Variants in COL23A1 observed in about 807,000 individuals in gnomAD.
COL23A1 encodes the protein collagen alpha-1(XXIII) chain.
Under a neutral mutation model 99.3 loss-of-function variants are expected in COL23A1, and 97 were observed. The ratio of observed to expected loss-of-function variants is 0.98; its 90% CI spans 0.83 to 1.16. The LOEUF (loss-of-function observed/expected upper bound fraction) is 1.16. COL23A1 is among the 50% of genes most tolerant of loss of function. The probability of loss-of-function intolerance (pLI) is 0.00; values close to 1 mark genes in which losing one functional copy is unlikely to be tolerated. For synonymous variants in COL23A1, 320 were observed against 308.2 expected (o/e 1.04, Z -0.40); for missense variants, 762 against 757.4 (o/e 1.01, Z -0.07).
chr5:178,353,285 G>A (rs1383572025), intron 2 of COL23A1, among the ~76,000 whole-genome samples: 1 of 152,046 alleles, frequency 6.6e-6, no homozygotes, highest in Non-Finnish European at 1.5e-5. Flanking sequence ...TTTCTTTTAT[G>A]TCTGATTTGA....
At position 178,384,122 on chromosome 5, in the gene COL23A1, T is replaced by C. The variant is rs1763535017; in HGVS notation, c.362-77203A>G. Among the ~76,000 whole-genome samples, 1 of 150,934 alleles carries C rather than the reference T, an allele frequency of 6.6e-6. No individual in the cohort carries two copies. Among genetic ancestry groups the C allele is most frequent in the South Asian group, 2.1e-4 (1 of 4,712 alleles). The stretch of plus-strand genomic sequence containing the variant: ...AAGACCCCTCTTCTCTAGAAAGGGG[T>C]GATGGTAAAATAAGGCTGGCCATCG... On this transcript the variant is annotated intron_variant, in intron 2 of 28. Transcript: ENST00000390654. This position sits in a 1 kb window ranked among gnomAD's most constrained non-coding sequence, Gnocchi z 5.5.
chr5:178,249,716 A>ACACACTCACTCTCTCTCTCTCTCT, intron 18 of COL23A1, among the ~76,000 whole-genome samples: 3 of 92,810 alleles, frequency 3.2e-5, no homozygotes, highest in East Asian at 4.2e-4. Flanking sequence ...ACACACACAC[A>ACACACTCACTCTCTCTCTCTCTCT]CTCTCTCTCT....
chr5:178,507,150 T>C (rs560698615), intron 2 of COL23A1, among the ~76,000 whole-genome samples: 28 of 152,354 alleles, frequency 1.8e-4, no homozygotes, highest in Middle Eastern at 3.4e-3. Flanking sequence ...TTTTCTTATA[T>C]AAAAGGCAGC....
rs2113783185 is a variant in COL23A1 at position 178,590,319 on chromosome 5, C to G, written c.-122G>C. On this transcript the variant is annotated 5_prime_UTR_variant, in exon 1 of 29. Transcript: ENST00000390654. This position sits in a 1 kb window ranked among gnomAD's most constrained non-coding sequence, Gnocchi z 5.7. ...TCCGCCGGGCGCGGGGGTTAGCCTC[C>G]GGGTAGCAGCGGATCGCCGCGCACG... The G allele has an allele frequency of 3.4e-6, 3 of 881,132 alleles. No homozygotes were observed. The South Asian group carries it at 1.7e-4, about 50-fold the overall frequency. 54.6% of individuals were successfully genotyped at this position (881,132 alleles called of 1,614,324 possible).
chr5:178,464,492 C>T (rs140307438), intron 2 of COL23A1, among the ~76,000 whole-genome samples: 3 of 152,288 alleles, frequency 2.0e-5, no homozygotes, highest in East Asian at 3.9e-4. Flanking sequence ...TGTGCACGTA[C>T]CCCACTTAGA....
In COL23A1 at chr5:178,366,485, C is replaced by T. The variant is rs532465749; in HGVS notation, c.362-59566G>A. Among the ~76,000 whole-genome samples the T allele has an allele frequency of 3.3e-5, 5 of 152,196 alleles. No homozygotes were observed. Among genetic ancestry groups the T allele is most frequent in the Non-Finnish European group, 7.3e-5 (5 of 68,036 alleles). On this transcript the variant is annotated intron_variant, in intron 2 of 28. Transcript: ENST00000390654. The surrounding 1 kb of genome is among the most constrained non-coding windows in gnomAD (Gnocchi z 4.4). ...ATCATCTCTTGTGCATCTTTGCTCACGGCGTCTTCTGCACCTGCACTCCCA... is the reference window on the plus strand; with the variant it reads ...ATCATCTCTTGTGCATCTTTGCTCATGGCGTCTTCTGCACCTGCACTCCCA...
intron 2 of COL23A1, among the ~76,000 whole-genome samples, chr5:178,455,646 C>T (rs936053612): frequency 4.6e-5 from 7 of 152,182 alleles, no homozygotes; most frequent in African/African-American, 7.2e-5. Flanking sequence ...CTGGCATCTC[C>T]GCCATCGCTT....
chr5:178,502,786 G>T (rs938753624), intron 2 of COL23A1, among the ~76,000 whole-genome samples: 1 of 152,172 alleles, frequency 6.6e-6, no homozygotes, highest in Admixed American at 6.5e-5. Flanking sequence ...TCTCACACAC[G>T]CCAGAAGACG....
At chr5:178,241,247 T>C (rs529271633) in intron 27 of COL23A1, among the ~76,000 whole-genome samples, 1 of 151,924 alleles carries the variant, frequency 6.6e-6, no homozygotes, top group Non-Finnish European at 1.5e-5. Flanking sequence ...GAGCTGACTT[T>C]TGAACTGTGG....
At chr5:178,453,441 G>C (rs553804675) in intron 2 of COL23A1, among the ~76,000 whole-genome samples, 114 of 152,282 alleles carry the variant, frequency 7.5e-4, no homozygotes, top group African/African-American at 2.5e-3. Context: ...CCGTGCCTGT[G>C]GTGCTGTTGT....
At chr5:178,565,203 C>T (rs1033916238) in intron 1 of COL23A1, among the ~76,000 whole-genome samples, 1 of 152,232 alleles carries the variant, frequency 6.6e-6, no homozygotes, top group African/African-American at 2.4e-5. Context: ...TGATTTTCTT[C>T]TTTCTGGGCT....
chr5:178,383,591 G>A (rs757989599), intron 2 of COL23A1, among the ~76,000 whole-genome samples: 1 of 152,216 alleles, frequency 6.6e-6, no homozygotes, highest in African/African-American at 2.4e-5. Context: ...TTGGGGAGGT[G>A]GGCTTGGGGT....
At chr5:178,452,851 A>T (rs767887826) in intron 2 of COL23A1, among the ~76,000 whole-genome samples, 6 of 152,196 alleles carry the variant, frequency 3.9e-5, no homozygotes, top group Non-Finnish European at 8.8e-5. Flanking sequence ...ATAATAAACA[A>T]TTTGTCAATG....
At chr5:178,583,441 C>T (rs969454466) in intron 1 of COL23A1, among the ~76,000 whole-genome samples, 2 of 152,196 alleles carry the variant, frequency 1.3e-5, no homozygotes, top group Non-Finnish European at 2.9e-5. Context: ...GATCAGCTTT[C>T]ACTTCTTGGT....
chr5:178,355,781 T>C (rs998958056), intron 2 of COL23A1, among the ~76,000 whole-genome samples: 2 of 152,094 alleles, frequency 1.3e-5, no homozygotes, highest in Non-Finnish European at 2.9e-5. Flanking sequence ...TGTTTGTATT[T>C]TTTTCTGAAT....
chr5:178,389,921 C>T (rs780572080), intron 2 of COL23A1, among the ~76,000 whole-genome samples: 10 of 152,174 alleles, frequency 6.6e-5, no homozygotes, highest in Admixed American at 3.9e-4. Flanking sequence ...GCCAAGACAC[C>T]GGTAAGCTCC....
intron 3 of COL23A1, among the ~76,000 whole-genome samples, chr5:178,299,140 T>C (rs746186162): frequency 1.3e-5 from 2 of 152,234 alleles, no homozygotes; most frequent in African/African-American, 2.4e-5. Flanking sequence ...TTTGTCTAGT[T>C]TTGGTATCAG....
At chr5:178,267,929 T>C (rs1434203033) in intron 7 of COL23A1, among the ~76,000 whole-genome samples, 1 of 152,194 alleles carries the variant, frequency 6.6e-6, no homozygotes, top group Middle Eastern at 3.2e-3. Flanking sequence ...ATGGGGAAAC[T>C]GAGGCCCACA....
At chr5:178,358,300 GTA>G (rs1158444157) in intron 2 of COL23A1, among the ~76,000 whole-genome samples, 23 of 145,776 alleles carry the variant, frequency 1.6e-4, no homozygotes, top group Middle Eastern at 3.6e-3. Context: ...GTATATGTAT[GTA>G]TGTATGTGTG....
Sources: allele counts gnomAD v4.1 joint callset (sites outside exome capture counted in the v4.1 genomes callset), GRCh38; gene constraint gnomAD v4.1.1; non-coding constraint Gnocchi (gnomAD v3.1); transcripts MANE v1.5; gene names NCBI Gene and HGNC (gene_info 2026-07-23, HGNC 2026-07-21).